Variants in KCNJ12 observed in about 807,000 individuals in gnomAD.
KCNJ12 encodes the protein potassium inwardly rectifying channel subfamily J member 12, also known as ATP-sensitive inward rectifier potassium channel 12.
Under a neutral mutation model 22.3 loss-of-function variants are expected in KCNJ12, and 2 were observed. That is an observed-to-expected ratio of 0.09 (90% confidence interval 0.04 to 0.28). The LOEUF (loss-of-function observed/expected upper bound fraction) is 0.28. Ranked by LOEUF, KCNJ12 falls within the 10% of genes least tolerant of loss-of-function variation. The pLI is 1.00. For missense variants in KCNJ12, 155 were observed against 633.3 expected, an observed-to-expected ratio of 0.24 and a Z score of 8.11; for synonymous variants, 117 against 261.4, an observed-to-expected ratio of 0.45 and a Z score of 5.33.
chr17:21,393,025 C>T (rs1390627743), intron 1 of KCNJ12, among the ~76,000 whole-genome samples: 1 of 152,162 alleles, frequency 6.6e-6, no homozygotes, highest in Non-Finnish European at 1.5e-5. Context: ...GAGTCCCCTA[C>T]TCTCTGGGGA....
intron 1 of KCNJ12, among the ~76,000 whole-genome samples, chr17:21,399,343 T>G (rs1387781721): frequency 2.0e-5 from 3 of 152,192 alleles, no homozygotes; most frequent in Non-Finnish European, 4.4e-5. Flanking sequence ...TGTCAAGAGA[T>G]GCACAAAATA....
At chr17:21,382,467 C>G in intron 1 of KCNJ12, among the ~76,000 whole-genome samples, 1 of 151,158 alleles carries the variant, frequency 6.6e-6, no homozygotes, top group East Asian at 1.9e-4. Context: ...AGTTTCATGT[C>G]AATGCATTTC....
intron 2 of KCNJ12, among the ~76,000 whole-genome samples, chr17:21,412,223 C>T (rs1297646854): frequency 5.7e-3 from 874 of 152,366 alleles, no homozygotes; most frequent in African/African-American, 0.02. Flanking sequence ...GGTAAAACCA[C>T]GCAGAGAGGA....
Position 21,398,438 on chromosome 17 carries a change from C to T in KCNJ12, c.-178-10081C>T, listed in dbSNP as rs896558392. Reference sequence around the variant, plus strand: ...GCAGCCCCCGTGGCCAGCAGCATCCCGAGGCCAGGCCAGACCTCTACGGCC... The same window carrying T: ...GCAGCCCCCGTGGCCAGCAGCATCCTGAGGCCAGGCCAGACCTCTACGGCC... On this transcript the variant is annotated intron_variant, in intron 1 of 2. Coordinates refer to ENST00000583088, the MANE Select transcript of KCNJ12 (RefSeq NM_021012.5). 3.9e-5 allele frequency among the ~76,000 whole-genome samples: 6 copies of T among 152,206 alleles called. No individual in the cohort carries two copies. In the East Asian group the frequency reaches 5.8e-4, roughly 15 times the overall value.
chr17:21,383,544 G>A (rs1904958494), intron 1 of KCNJ12, among the ~76,000 whole-genome samples: 1 of 152,318 alleles, frequency 6.6e-6, no homozygotes, highest in East Asian at 1.9e-4. Flanking sequence ...TCAAAAGTGG[G>A]GCTTCTGACA....
At chr17:21,406,000 G>C (rs1397277295) in intron 1 of KCNJ12, among the ~76,000 whole-genome samples, 9 of 152,294 alleles carry the variant, frequency 5.9e-5, no homozygotes, top group Non-Finnish European at 8.8e-5. Context: ...GTAGTAGGGA[G>C]TGAGGGACGA....
At chr17:21,382,659 A>G (rs968786167) in intron 1 of KCNJ12, among the ~76,000 whole-genome samples, 2 of 152,114 alleles carry the variant, frequency 1.3e-5, no homozygotes, top group Admixed American at 6.5e-5. Flanking sequence ...CCTCCCCTGG[A>G]TGTCCATGTT....
chr17:21,383,217 C>T (rs1555558236), intron 1 of KCNJ12, among the ~76,000 whole-genome samples: 3 of 152,210 alleles, frequency 2.0e-5, no homozygotes, highest in Non-Finnish European at 2.9e-5. Flanking sequence ...CTTGCTCCAG[C>T]TGCAGCCGGG....
intron 2 of KCNJ12, among the ~76,000 whole-genome samples, chr17:21,412,619 A>G (rs1219489794): frequency 6.6e-6 from 1 of 152,304 alleles, no homozygotes; most frequent in African/African-American, 2.4e-5. Context: ...CCTTCCCAGC[A>G]CAGCCTCAGG....
At chr17:21,384,543 C>T (rs1905006543) in intron 1 of KCNJ12, among the ~76,000 whole-genome samples, 1 of 152,090 alleles carries the variant, frequency 6.6e-6, no homozygotes, top group Non-Finnish European at 1.5e-5. Context: ...GGCTTTGGGA[C>T]CTCTGGGTGA....
intron 1 of KCNJ12, among the ~76,000 whole-genome samples, chr17:21,391,743 G>A (rs1555559332): frequency 6.6e-6 from 1 of 152,200 alleles, no homozygotes; most frequent in African/African-American, 2.4e-5. Flanking sequence ...CTCCCTTGGG[G>A]TCTGTGGGCA....
intron 2 of KCNJ12, among the ~76,000 whole-genome samples, chr17:21,409,902 G>A (rs1906220816): frequency 6.6e-6 from 1 of 152,226 alleles, no homozygotes; most frequent in Non-Finnish European, 1.5e-5. Context: ...GAGGGCCATG[G>A]GTTAGCTTCG....
At chr17:21,412,848 A>G (rs1179237617) in intron 2 of KCNJ12, among the ~76,000 whole-genome samples, 1 of 152,262 alleles carries the variant, frequency 6.6e-6, no homozygotes, top group East Asian at 1.9e-4. Flanking sequence ...CTCCTGCTTA[A>G]TGGCTGTGTG....
intron 1 of KCNJ12, among the ~76,000 whole-genome samples, chr17:21,396,553 G>A (rs1446953534): frequency 6.6e-6 from 1 of 152,110 alleles, no homozygotes; most frequent in African/African-American, 2.4e-5. Flanking sequence ...GTTCTAGCCA[G>A]CTTGGTTCGC....
At chr17:21,407,016 A>C (rs2142068405) in intron 1 of KCNJ12, among the ~76,000 whole-genome samples, 1 of 152,398 alleles carries the variant, frequency 6.6e-6, no homozygotes, top group African/African-American at 2.4e-5. Flanking sequence ...TGTAGGATGT[A>C]TGTGTACCCA....
chr17:21,380,814 TGGCAGTGGGCCCC>T (rs2144759648), intron 1 of KCNJ12, among the ~76,000 whole-genome samples: 1 of 150,300 alleles, frequency 6.7e-6, no homozygotes, highest in South Asian at 2.1e-4. Flanking sequence ...GGGCCCCAGA[TGGCAGTGGGCCCC>T]AGATGGCAGT....
At chr17:21,407,993 T>TCATCCATCCATC (rs60311230) in intron 1 of KCNJ12, among the ~76,000 whole-genome samples, 8,762 of 133,902 alleles carry the variant, frequency 0.065, 366 homozygotes, top group African/African-American at 0.19. Context: ...CACCCATCCA[T>TCATCCATCCATC]CATCCATCCA....
Position 21,394,127 on chromosome 17 carries a change from G to T in KCNJ12, c.-178-14392G>T, listed in dbSNP as rs562882969. Among the ~76,000 whole-genome samples the T allele has an allele frequency of 3.3e-5, 5 of 151,890 alleles. No individual in the cohort carries two copies. In the East Asian group the frequency reaches 7.7e-4, roughly 24 times the overall value. On this transcript the variant is annotated intron_variant, in intron 1 of 2. Coordinates refer to ENST00000583088, the MANE Select transcript of KCNJ12 (RefSeq NM_021012.5). Reference sequence around the variant, plus strand: ...ATCTATCTCGTGGGGATCTCGTCACGTGTCAATGACATTTCAGTCAGTGAT... The same window carrying T: ...ATCTATCTCGTGGGGATCTCGTCACTTGTCAATGACATTTCAGTCAGTGAT...
In KCNJ12 at chr17:21,417,606, G is replaced by C. The variant is rs1486533539; in HGVS notation, c.*962G>C. 6.0e-6 allele frequency: 1 copy of C among 167,458 alleles called. No homozygotes were observed. Among genetic ancestry groups the C allele is most frequent in the Non-Finnish European group, 1.5e-5 (1 of 68,406 alleles). The allele number at this position is 167,458 out of a possible 1,614,324, so 10.4% of individuals were successfully genotyped here. On this transcript the variant is annotated 3_prime_UTR_variant, in exon 3 of 3. Coordinates refer to ENST00000583088, the MANE Select transcript of KCNJ12 (RefSeq NM_021012.5). Reference sequence around the variant, plus strand: ...ATGGCTCCTTGGGAAGGGAAGTCGGGATCCCAGGCTAGGAGGAAGCTGGCA... The same window carrying C: ...ATGGCTCCTTGGGAAGGGAAGTCGGCATCCCAGGCTAGGAGGAAGCTGGCA...
Sources: allele counts gnomAD v4.1 joint callset (sites outside exome capture counted in the v4.1 genomes callset), GRCh38; gene constraint gnomAD v4.1.1; transcripts MANE v1.5; gene names NCBI Gene and HGNC (gene_info 2026-07-23, HGNC 2026-07-21).